SMAP1: variants seen among roughly 807,000 people sequenced by gnomAD.
SMAP1 encodes the protein small ArfGAP 1.
Under a neutral mutation model 58.5 loss-of-function variants are expected in SMAP1, and 24 were observed. The observed-to-expected ratio is 0.41, with a 90% CI of 0.30 to 0.58. The LOEUF (loss-of-function observed/expected upper bound fraction) is 0.58, where lower values mean the gene tolerates loss of function less well. SMAP1 is among the 20% of genes least tolerant of loss of function. The pLI is 0.29. For missense variants in SMAP1, 563 were observed against 566.3 expected (o/e 0.99, Z 0.06); for synonymous variants, 216 against 196.6 (o/e 1.10, Z -0.82).
chr6:70,687,242 T>G (rs2128554103), intron 1 of SMAP1, among the ~76,000 whole-genome samples: 1 of 152,324 alleles, frequency 6.6e-6, no homozygotes, highest in South Asian at 2.1e-4. Flanking sequence ...AAATGAGGAT[T>G]ATCATTTTCA....
chr6:70,835,277 T>C (rs1183203297), intron 6 of SMAP1, among the ~76,000 whole-genome samples: 1 of 139,976 alleles, frequency 7.1e-6, no homozygotes, highest in East Asian at 2.1e-4. Flanking sequence ...AAAAAAAGAA[T>C]TGACACCTGG....
chr6:70,764,826 G>A (rs1281874104), intron 3 of SMAP1, among the ~76,000 whole-genome samples: 4 of 151,850 alleles, frequency 2.6e-5, no homozygotes, highest in African/African-American at 7.3e-5. Context: ...TTTTGACAGG[G>A]TCTCACTCCA....
Position 70,861,807 on chromosome 6 carries a change from G to T in SMAP1, c.*1473G>T, listed in dbSNP as rs1771745534. On this transcript the variant is annotated 3_prime_UTR_variant, in exon 11 of 11. Transcript: ENST00000370455. ...CTCTTCATGGTGACACTCGAGGTCGGGCAGCACAAGTGTAATGAATACCTT... is the reference window on the plus strand; with the variant it reads ...CTCTTCATGGTGACACTCGAGGTCGTGCAGCACAAGTGTAATGAATACCTT... 1.2e-6 allele frequency: 2 copies of T among 1,613,734 alleles called. No homozygotes were observed.
At chr6:70,688,679 A>G (rs1271450486) in intron 1 of SMAP1, among the ~76,000 whole-genome samples, 1 of 152,142 alleles carries the variant, frequency 6.6e-6, no homozygotes, top group Non-Finnish European at 1.5e-5. Flanking sequence ...TATATATTCT[A>G]GATACTAGTC....
At chr6:70,696,933 A>G (rs1281028101) in intron 1 of SMAP1, among the ~76,000 whole-genome samples, 1 of 152,200 alleles carries the variant, frequency 6.6e-6, no homozygotes, top group Non-Finnish European at 1.5e-5. Flanking sequence ...TTGGGTGCAT[A>G]TATATTTACA....
chr6:70,804,399 A>G (rs1251122197), intron 6 of SMAP1, among the ~76,000 whole-genome samples: 1 of 149,948 alleles, frequency 6.7e-6, no homozygotes, highest in Non-Finnish European at 1.5e-5. Flanking sequence ...TGCAGGTGAG[A>G]TGGGTCTCCT....
At chr6:70,753,047 T>C (rs1766342140) in intron 2 of SMAP1, among the ~76,000 whole-genome samples, 1 of 152,090 alleles carries the variant, frequency 6.6e-6, no homozygotes, top group Admixed American at 6.6e-5. Context: ...TTGTTCCTAA[T>C]TATTTTTTAT....
At chr6:70,792,352 G>A (rs1266106109) in intron 5 of SMAP1, among the ~76,000 whole-genome samples, 1 of 147,144 alleles carries the variant, frequency 6.8e-6, no homozygotes, top group Non-Finnish European at 1.5e-5. Flanking sequence ...TGTTACATTG[G>A]CCTTAATAAA....
chr6:70,755,101 A>C, intron 3 of SMAP1, 36 bp downstream of exon 3: 1 of 1,472,674 alleles, frequency 6.8e-7, no homozygotes, highest in Non-Finnish European at 9.4e-7. Context: ...GAGTTTAAAA[A>C]ACATTAACTC....
At chr6:70,736,970 T>G (rs1765641687) in intron 2 of SMAP1, among the ~76,000 whole-genome samples, 1 of 152,244 alleles carries the variant, frequency 6.6e-6, no homozygotes. Flanking sequence ...TTCATTAAAC[T>G]GGTCTTCATG....
At chr6:70,819,214 AT>A (rs530675700) in intron 6 of SMAP1, among the ~76,000 whole-genome samples, 46 of 149,432 alleles carry the variant, frequency 3.1e-4, no homozygotes, top group South Asian at 1.5e-3. Flanking sequence ...TTTTCTTGCA[AT>A]TTTTTTTTTG....
At chr6:70,684,263 T>C (rs1766843560) in intron 1 of SMAP1, among the ~76,000 whole-genome samples, 1 of 152,198 alleles carries the variant, frequency 6.6e-6, no homozygotes, top group African/African-American at 2.4e-5. Context: ...AAATAAGAGG[T>C]ATTTGTAAAT....
chr6:70,673,678 A>T (rs1343463902), intron 1 of SMAP1, among the ~76,000 whole-genome samples: 1 of 152,242 alleles, frequency 6.6e-6, no homozygotes, highest in Non-Finnish European at 1.5e-5. Flanking sequence ...AATTCACCTA[A>T]AGAAATTTGC....
chr6:70,825,564 A>C (rs1770080484), intron 6 of SMAP1, among the ~76,000 whole-genome samples: 1 of 152,072 alleles, frequency 6.6e-6, no homozygotes, highest in Non-Finnish European at 1.5e-5. Context: ...TTGCTAATTC[A>C]CTACTGAGAG....
In SMAP1 at chr6:70,704,710, T is replaced by C. The variant is rs118077876; in HGVS notation, c.119-27668T>C. Among the ~76,000 whole-genome samples, 3 of 152,318 alleles carry C rather than the reference T, an allele frequency of 2.0e-5. No individual in the cohort carries two copies. The East Asian group carries it at 5.8e-4, about 29-fold the overall frequency. The stretch of plus-strand genomic sequence containing the variant: ...ATAGCAATTTTCATTGTTACTGATA[T>C]CAAAGACATTAAGTGGGATTAGTCA... On this transcript the variant is annotated intron_variant, in intron 1 of 10. Transcript: ENST00000370455.
chr6:70,774,982 T>C (rs1454040318), intron 4 of SMAP1, among the ~76,000 whole-genome samples: 3 of 151,236 alleles, frequency 2.0e-5, no homozygotes, highest in Non-Finnish European at 4.4e-5. Context: ...TGCACTCCAG[T>C]CTGGGCAACA....
At chr6:70,755,614 C>G (rs1285534174) in intron 3 of SMAP1, among the ~76,000 whole-genome samples, 1 of 151,962 alleles carries the variant, frequency 6.6e-6, no homozygotes, top group Non-Finnish European at 1.5e-5. Flanking sequence ...ATATTTTCAA[C>G]TTAGGATGGG....
At chr6:70,839,150 C>T (rs1399953086) in intron 7 of SMAP1, among the ~76,000 whole-genome samples, 1 of 152,162 alleles carries the variant, frequency 6.6e-6, no homozygotes, top group African/African-American at 2.4e-5. Flanking sequence ...CATTAAACAT[C>T]TGTTTCTCTT....
At chr6:70,850,399 A>G (rs923758973) in intron 7 of SMAP1, among the ~76,000 whole-genome samples, 3 of 152,076 alleles carry the variant, frequency 2.0e-5, no homozygotes, top group Admixed American at 2.0e-4. Context: ...AAAAACAACT[A>G]TAACGGAAAA....
Sources: gnomAD v4.1 joint callset for allele counts (sites outside exome capture counted in the v4.1 genomes callset) on GRCh38, gnomAD v4.1.1 for gene constraint, MANE v1.5 for transcripts, NCBI Gene and HGNC (gene_info 2026-07-23, HGNC 2026-07-21) for gene names.